Variants in ANKRD12 observed in about 807,000 individuals in gnomAD.
ANKRD12 encodes the protein ankyrin repeat domain 12.
ANKRD12 carries 85 observed loss-of-function variants against 183.4 expected under a neutral mutation model. That is an observed-to-expected ratio of 0.46 (90% CI 0.39 to 0.56). The LOEUF (loss-of-function observed/expected upper bound fraction) is 0.56. ANKRD12 is among the 20% of genes least tolerant of loss of function. The pLI is 0.00. For synonymous variants in ANKRD12, 914 were observed against 800.2 expected (o/e 1.14, Z -2.40); for missense variants, 2,405 against 2,357.1 (o/e 1.02, Z -0.42).
chr18:9,281,317 G>A lies in ANKRD12; in HGVS notation c.*191G>A. On this transcript the variant is annotated 3_prime_UTR_variant, in exon 13 of 13. Coordinates refer to ENST00000262126, the MANE Select transcript of ANKRD12 (RefSeq NM_015208.5). ...ATTTTGGATCTTAGATCCAAACACA[G>A]TTTCTAATAGAAAACTATTATTTAT... 1 of 462,112 alleles carries A rather than the reference G, an allele frequency of 2.2e-6. No homozygotes were observed. 28.6% of individuals were successfully genotyped at this position (462,112 alleles called of 1,614,324 possible).
chr18:9,168,830 C>A (rs2032368975), intron 1 of ANKRD12, among the ~76,000 whole-genome samples: 1 of 151,772 alleles, frequency 6.6e-6, no homozygotes, highest in Non-Finnish European at 1.5e-5. Context: ...AATTTTAGAT[C>A]TTTCCTGCTT....
intron 1 of ANKRD12, among the ~76,000 whole-genome samples, chr18:9,144,509 G>A (rs561895732): frequency 3.9e-5 from 6 of 152,276 alleles, no homozygotes; most frequent in African/African-American, 1.4e-4. Context: ...ATGTTAGGGT[G>A]GGAGTAGCAG....
At chr18:9,179,232 C>T (rs559149084) in intron 1 of ANKRD12, among the ~76,000 whole-genome samples, 1 of 152,254 alleles carries the variant, frequency 6.6e-6, no homozygotes, top group East Asian at 1.9e-4. Context: ...GCCTGTTTTA[C>T]CACTTTCCAA....
At chr18:9,275,328 C>A (rs372135155) in intron 10 of ANKRD12, among the ~76,000 whole-genome samples, 196 bp from the exon 11 acceptor site, 9 of 152,070 alleles carry the variant, frequency 5.9e-5, no homozygotes, top group Admixed American at 3.3e-4. Flanking sequence ...TTTTAATTAG[C>A]TGTGCTTCAT....
At chr18:9,252,568 A>G (rs1297183092) in intron 8 of ANKRD12, among the ~76,000 whole-genome samples, 3 of 152,230 alleles carry the variant, frequency 2.0e-5, no homozygotes, top group East Asian at 3.8e-4. Flanking sequence ...TTAGAAAAAA[A>G]GGCATATCTG....
At chr18:9,217,659 G>C (rs1009849664) in intron 7 of ANKRD12, among the ~76,000 whole-genome samples, 6 of 152,050 alleles carry the variant, frequency 3.9e-5, no homozygotes, top group Non-Finnish European at 7.4e-5. Flanking sequence ...ACTGATTCTT[G>C]CCTACCAGTG....
At chr18:9,266,373 T>G (rs1006126745) in intron 10 of ANKRD12, among the ~76,000 whole-genome samples, 6 of 152,280 alleles carry the variant, frequency 3.9e-5, no homozygotes, top group African/African-American at 7.2e-5. Context: ...AGAGAAAGGT[T>G]GGGTTACCCA....
chr18:9,259,715 A>T (rs2038856873), intron 9 of ANKRD12: 2 of 152,194 alleles, frequency 1.3e-5, no homozygotes, highest in African/African-American at 4.8e-5. Context: ...AGCAAAACAC[A>T]GCACAATATA....
chr18:9,258,363 CA>C lies in ANKRD12; in HGVS notation c.5097del (p.Gln1700SerfsTer14). Reference sequence around the variant, plus strand: ...ATTTTATCAAGTCTGGAAAACCATTCACAGCAGTCAACTCAACCAGAAATGC... The same window carrying C: ...ATTTTATCAAGTCTGGAAAACCATTCCAGCAGTCAACTCAACCAGAAATGC... ...QSILSSLENH[S>X]QQSTQPEMHK... On this transcript the variant is annotated frameshift_variant, in exon 9 of 13. Coordinates refer to ENST00000262126, the MANE Select transcript of ANKRD12 (RefSeq NM_015208.5). LOFTEE classifies it high-confidence loss of function. The C allele has an allele frequency of 6.2e-7, 1 of 1,613,680 alleles. No homozygotes were observed. The highest frequency in any genetic ancestry group is 8.5e-7 in the Non-Finnish European group (1 of 1,179,904).
chr18:9,195,745 T>C (rs776290792), intron 3 of ANKRD12, 47 bp downstream of exon 3: 23 of 1,577,404 alleles, frequency 1.5e-5, no homozygotes, highest in Non-Finnish European at 1.6e-5. Flanking sequence ...CATTCTTTAA[T>C]TCTGATTTTT....
chr18:9,258,906 C>A lies in ANKRD12; in HGVS notation c.5639C>A (p.Pro1880His). Residue 1880 changes from proline (P) to histidine (H), a missense_variant, in exon 9 of 13, where the codon CCC becomes CAC. Pro to His is a moderately conservative substitution (Grantham distance 77). Coordinates refer to ENST00000262126, the MANE Select transcript of ANKRD12 (RefSeq NM_015208.5). Reference protein sequence around the residue: ...FNGSYLLDGNPLSKICIPTIT... With the variant: ...FNGSYLLDGNHLSKICIPTIT... Reference sequence around the variant, plus strand: ...GGATCATATCTCCTGGATGGAAACCCCTTAAGCAAGATTTGTATTCCCACA... The same window carrying A: ...GGATCATATCTCCTGGATGGAAACCACTTAAGCAAGATTTGTATTCCCACA... The A allele has an allele frequency of 6.2e-7, 1 of 1,607,644 alleles. No individual in the cohort carries two copies. Among genetic ancestry groups the A allele is most frequent in the South Asian group, 1.1e-5 (1 of 90,342 alleles).
chr18:9,235,370 T>C (rs1477222288), intron 8 of ANKRD12, among the ~76,000 whole-genome samples: 1 of 152,182 alleles, frequency 6.6e-6, no homozygotes, highest in Non-Finnish European at 1.5e-5. Context: ...TTATCTTGCC[T>C]TCGTTATATG....
chr18:9,253,975 T>C (rs1331200347), intron 8 of ANKRD12, among the ~76,000 whole-genome samples: 2 of 152,216 alleles, frequency 1.3e-5, no homozygotes, highest in African/African-American at 2.4e-5. Context: ...TACTGTGCTT[T>C]TAGAAGTGTC....
intron 4 of ANKRD12, 85 bp downstream of exon 4, chr18:9,204,629 T>G (rs1283197103): frequency 1.9e-6 from 2 of 1,028,266 alleles, no homozygotes; most frequent in Admixed American, 2.6e-5. Context: ...TAACTTACTT[T>G]CAAACCAGCA....
At chr18:9,244,922 A>G (rs892869488) in intron 8 of ANKRD12, among the ~76,000 whole-genome samples, 3 of 152,140 alleles carry the variant, frequency 2.0e-5, no homozygotes, top group Non-Finnish European at 4.4e-5. Context: ...GGGTGGTGGG[A>G]TTATTTTATA....
chr18:9,223,496 A>G (rs2036539651), intron 8 of ANKRD12, among the ~76,000 whole-genome samples: 1 of 152,170 alleles, frequency 6.6e-6, no homozygotes, highest in Admixed American at 6.5e-5. Flanking sequence ...TTGAAGACAA[A>G]GTAAGAATTT....
chr18:9,148,929 G>C (rs1327966796), intron 1 of ANKRD12, among the ~76,000 whole-genome samples: 1 of 152,116 alleles, frequency 6.6e-6, no homozygotes, highest in African/African-American at 2.4e-5. Flanking sequence ...GTCCCACTCT[G>C]CTTCAGTTTT....
At chr18:9,270,023 C>A in intron 10 of ANKRD12, among the ~76,000 whole-genome samples, 1 of 152,206 alleles carries the variant, frequency 6.6e-6, no homozygotes, top group Non-Finnish European at 1.5e-5. Context: ...TGCTCATCAT[C>A]ACTGGCCATC....
rs1339584224 is a variant in ANKRD12 at position 9,225,447 on chromosome 18, C to G, written c.943+3448C>G. On this transcript the variant is annotated intron_variant, in intron 8 of 12. Coordinates refer to ENST00000262126, the MANE Select transcript of ANKRD12 (RefSeq NM_015208.5). ...TGAGGTCGTGCCACTGCATTCCAGC[C>G]TGGCTGACAGAGCCAGACTATCTTT... is the stretch of plus-strand genomic sequence containing the variant. 4.7e-4 allele frequency among the ~76,000 whole-genome samples: 14 copies of G among 29,690 alleles called. 5 individuals carry two copies. Among genetic ancestry groups the G allele is most frequent in the Non-Finnish European group, 1.2e-3 (12 of 9,810 alleles). 19.5% of individuals were successfully genotyped at this position (29,690 alleles called of 152,430 possible).
Sources: gnomAD v4.1 joint callset for allele counts (sites outside exome capture counted in the v4.1 genomes callset) on GRCh38, gnomAD v4.1.1 for gene constraint, MANE v1.5 for transcripts, NCBI Gene and HGNC (gene_info 2026-07-23, HGNC 2026-07-21) for gene names.